EMSY: variants seen among roughly 807,000 people sequenced by gnomAD.
EMSY encodes BRCA2-interacting transcriptional repressor EMSY.
Under a neutral mutation model 134.6 loss-of-function variants are expected in EMSY, and 26 were observed. The ratio of observed to expected loss-of-function variants is 0.19; its 90% confidence interval spans 0.14 to 0.27. The LOEUF (loss-of-function observed/expected upper bound fraction) is 0.27. Ranked by LOEUF, EMSY falls within the 10% of genes least tolerant of loss-of-function variation. The pLI is 1.00. For missense variants in EMSY, 1,305 were observed against 1,611.4 expected (o/e 0.81, Z 3.26); for synonymous variants, 579 against 577.8 (o/e 1.00, Z -0.03).
rs539889791 is a variant in EMSY, at chr11:76,530,887, T to C, written c.2194+2421T>C. On this transcript the variant is annotated intron_variant, in intron 14 of 20. Coordinates refer to ENST00000334736, the Ensembl canonical transcript of EMSY. ...CTACATAGTTTATTTTTCTGTTACA[T>C]TGTTGCTTTTGTAGTTTTTAGCCAC... 3.5e-3 allele frequency among the ~76,000 whole-genome samples: 534 copies of C among 152,372 alleles called. 5 individuals are homozygous for C. Among genetic ancestry groups the C allele is most frequent in the African/African-American group, 0.012 (496 of 41,596 alleles).
chr11:76,477,463 T>A (rs1049595322), intron 8 of EMSY, among the ~76,000 whole-genome samples: 1 of 152,086 alleles, frequency 6.6e-6, no homozygotes, highest in Admixed American at 6.5e-5. Context: ...GTAATCTTTT[T>A]AATTTTTATT....
At chr11:76,451,481 A>G (rs1157110897) in intron 2 of EMSY, among the ~76,000 whole-genome samples, 2 of 152,218 alleles carry the variant, frequency 1.3e-5, no homozygotes, top group Non-Finnish European at 2.9e-5. Flanking sequence ...GAATTATTTT[A>G]AGAGTTGATT....
chr11:76,516,565 T>TTTTGGG (rs1181060513), intron 11 of EMSY: 3 of 246,296 alleles, frequency 1.2e-5, no homozygotes, highest in African/African-American at 2.3e-5. Context: ...AGATTATAGT[T>TTTTGGG]TAAATTTGCA....
chr11:76,529,443 T>C (rs922714053), intron 14 of EMSY, among the ~76,000 whole-genome samples: 26 of 152,300 alleles, frequency 1.7e-4, no homozygotes, highest in African/African-American at 6.0e-4. Flanking sequence ...CATTGCTGAT[T>C]AGTCCATTAA....
intron 14 of EMSY, among the ~76,000 whole-genome samples, chr11:76,535,493 A>G (rs1951189801): frequency 1.3e-5 from 2 of 152,190 alleles, no homozygotes; most frequent in African/African-American, 4.8e-5. Flanking sequence ...CTATACACAA[A>G]CATGCACTCA....
intron 2 of EMSY, among the ~76,000 whole-genome samples, chr11:76,450,213 A>G (rs933096256): frequency 6.6e-6 from 1 of 152,162 alleles, no homozygotes; most frequent in Non-Finnish European, 1.5e-5. Flanking sequence ...CTCAATACTG[A>G]TCTGTTGAAT....
At chr11:76,515,154 T>G (rs1290118251) in intron 10 of EMSY, among the ~76,000 whole-genome samples, 1 of 151,180 alleles carries the variant, frequency 6.6e-6, no homozygotes, top group East Asian at 2.0e-4. Flanking sequence ...TCTCCCTTTT[T>G]GGGTAATGGT....
At chr11:76,509,184 A>G (rs1224545646) in intron 9 of EMSY, among the ~76,000 whole-genome samples, 1 of 152,162 alleles carries the variant, frequency 6.6e-6, no homozygotes, top group South Asian at 2.1e-4. Flanking sequence ...ACACTGTTGG[A>G]AAAATGGTGC....
intron 8 of EMSY, among the ~76,000 whole-genome samples, chr11:76,494,653 TC>T (rs1451798631): frequency 0.035 from 43 of 1,246 alleles, no homozygotes; most frequent in African/African-American, 0.083. Context: ...TCCTTTCCCT[TC>T]CTTCCTTCCT....
intron 8 of EMSY, among the ~76,000 whole-genome samples, chr11:76,479,449 G>T (rs918896197): frequency 2.0e-5 from 3 of 152,216 alleles, no homozygotes; most frequent in African/African-American, 7.2e-5. Flanking sequence ...ATGTATGCAG[G>T]CTGGATGCGC....
In EMSY at chr11:76,463,477, G is replaced by A. The variant is rs12293840; in HGVS notation, c.572-344G>A. On this transcript the variant is annotated intron_variant, in intron 6 of 20. Coordinates refer to ENST00000334736, the Ensembl canonical transcript of EMSY. ...TCTCTACTAAAAATACAAAAAATTAGCCGGGCGCGGTGGCGGGTGCCTGTA... is the reference window on the plus strand; with the variant it reads ...TCTCTACTAAAAATACAAAAAATTAACCGGGCGCGGTGGCGGGTGCCTGTA... Among the ~76,000 whole-genome samples, 6 of 152,104 alleles carry A rather than the reference G, an allele frequency of 3.9e-5. No individual in the cohort carries two copies. In the East Asian group the frequency reaches 9.7e-4, roughly 25 times the overall value.
chr11:76,482,628 A>G (rs2135521388), intron 8 of EMSY, among the ~76,000 whole-genome samples: 1 of 152,362 alleles, frequency 6.6e-6, no homozygotes, highest in East Asian at 1.9e-4. Context: ...AGCTGAATCA[A>G]CTAAGCAGGA....
chr11:76,516,232 C>T (rs1218646757), exon 11 of EMSY: 4 of 1,613,120 alleles, frequency 2.5e-6, no homozygotes, highest in Non-Finnish European at 3.4e-6. Context: ...GTGAAAACTA[C>T]GAGTGGTAGC....
At chr11:76,523,260 A>C (rs1444812677) in exon 12 of EMSY, 28 of 1,613,570 alleles carry the variant, frequency 1.7e-5, no homozygotes, top group Non-Finnish European at 2.3e-5. Flanking sequence ...CTCCCGGGCA[A>C]AAATGTTGTC....
At chr11:76,528,849 A>T (rs1950937624) in intron 14 of EMSY, among the ~76,000 whole-genome samples, 1 of 152,124 alleles carries the variant, frequency 6.6e-6, no homozygotes, top group African/African-American at 2.4e-5. Context: ...TTATTGCTAT[A>T]CCCTGAGAAA....
chr11:76,533,987 A>G (rs1199602841), intron 14 of EMSY, among the ~76,000 whole-genome samples: 1 of 152,178 alleles, frequency 6.6e-6, no homozygotes, highest in Non-Finnish European at 1.5e-5. Flanking sequence ...GGGTTGCTAC[A>G]GTGATACTTA....
intron 4 of EMSY, among the ~76,000 whole-genome samples, chr11:76,455,725 G>A (rs1947845503): frequency 6.6e-6 from 1 of 152,154 alleles, no homozygotes; most frequent in Non-Finnish European, 1.5e-5. Context: ...TTTATTGTTT[G>A]GCACCAGGCC....
intron 11 of EMSY, among the ~76,000 whole-genome samples, chr11:76,518,356 C>T (rs778966393): frequency 6.6e-5 from 10 of 151,276 alleles, no homozygotes; most frequent in Non-Finnish European, 1.5e-4. Flanking sequence ...TTTCTAGAGA[C>T]AGGGTTTTGC....
At chr11:76,498,917 G>A (rs1471162275) in intron 9 of EMSY, among the ~76,000 whole-genome samples, 1 of 152,140 alleles carries the variant, frequency 6.6e-6, no homozygotes, top group Non-Finnish European at 1.5e-5. Context: ...GTTTCTTGTA[G>A]ACAGCATACA....
Sources: gnomAD v4.1 joint callset for allele counts (sites outside exome capture counted in the v4.1 genomes callset) on GRCh38, gnomAD v4.1.1 for gene constraint, MANE v1.5 for transcripts, NCBI Gene and HGNC (gene_info 2026-07-23, HGNC 2026-07-21) for gene names.